Variants in SYT1 observed in about 807,000 individuals in gnomAD.
SYT1 encodes the protein synaptotagmin-1.
A neutral mutation model predicts 44.8 loss-of-function variants in SYT1; 8 were observed. The ratio of observed to expected loss-of-function variants is 0.18; its 90% CI spans 0.10 to 0.32. The LOEUF (loss-of-function observed/expected upper bound fraction) is 0.32, where lower values mean the gene tolerates loss of function less well. SYT1 is among the 10% of genes least tolerant of loss of function. SYT1 has a pLI of 1.00. For missense variants in SYT1, 286 were observed against 509.3 expected, an observed-to-expected ratio of 0.56 and a Z score of 4.22; for synonymous variants, 154 against 188.8, an observed-to-expected ratio of 0.82 and a Z score of 1.51.
intron 3 of SYT1, among the ~76,000 whole-genome samples, chr12:79,073,038 A>C (rs1876392600): frequency 6.6e-6 from 1 of 152,160 alleles, no homozygotes. Flanking sequence ...AGTTGTCAGA[A>C]TAGGTAATGA....
chr12:79,100,406 A>G (rs1255985395), intron 3 of SYT1, among the ~76,000 whole-genome samples: 1 of 152,154 alleles, frequency 6.6e-6, no homozygotes, highest in East Asian at 1.9e-4. Context: ...AGTCATAATA[A>G]TAGGAAATGC....
At chr12:78,878,124 G>A (rs1376349752) in intron 1 of SYT1, among the ~76,000 whole-genome samples, 1 of 151,682 alleles carries the variant, frequency 6.6e-6, no homozygotes, top group Non-Finnish European at 1.5e-5. Flanking sequence ...TCATGGGGTT[G>A]ATATATTGCA....
intron 3 of SYT1, among the ~76,000 whole-genome samples, chr12:79,173,845 T>G (rs1199609287): frequency 3.9e-5 from 6 of 152,052 alleles, no homozygotes; most frequent in African/African-American, 7.2e-5. Flanking sequence ...GAGGCAAGGA[T>G]AAGGCAGACA....
chr12:79,256,122 G>C (rs751030827), intron 4 of SYT1, among the ~76,000 whole-genome samples: 4 of 152,150 alleles, frequency 2.6e-5, no homozygotes, highest in Non-Finnish European at 4.4e-5. Flanking sequence ...TTTGCAGTTT[G>C]AAAGCATGGA....
Position 78,889,067 on chromosome 12 carries a change from AT to A in SYT1, c.-217+23968del, listed in dbSNP as rs900013081. ...TCAGTTCCTTCAGAGCTCCTGGTTA[AT>A]TTTTTTTTTAAGAAAAAATCAAGAC... On this transcript the variant is annotated intron_variant, in intron 1 of 10. Coordinates refer to ENST00000261205, the MANE Select transcript of SYT1 (RefSeq NM_005639.3). 1.9e-3 allele frequency among the ~76,000 whole-genome samples: 281 copies of A among 149,650 alleles called. 2 individuals carry two copies. Among genetic ancestry groups the A allele is most frequent in the African/African-American group, 6.4e-3 (261 of 40,940 alleles).
chr12:79,201,629 C>T (rs1051578822), intron 3 of SYT1, among the ~76,000 whole-genome samples: 4 of 152,132 alleles, frequency 2.6e-5, no homozygotes, highest in Non-Finnish European at 4.4e-5. Flanking sequence ...TATCTAAATA[C>T]AAACATGTTT....
intron 2 of SYT1, among the ~76,000 whole-genome samples, chr12:79,039,526 G>A (rs913808665): frequency 6.6e-6 from 1 of 151,822 alleles, no homozygotes; most frequent in African/African-American, 2.4e-5. Flanking sequence ...AAAATGCTGT[G>A]CCCATCCATA....
intron 1 of SYT1, among the ~76,000 whole-genome samples, chr12:78,921,492 T>C (rs7969701): frequency 0.16 from 24,006 of 151,868 alleles, 3,560 homozygotes; most frequent in African/African-American, 0.4. Flanking sequence ...TTAAACCAGA[T>C]TTTTTTTCTG....
At chr12:78,987,252 C>T (rs1012750665) in intron 2 of SYT1, among the ~76,000 whole-genome samples, 2 of 151,924 alleles carry the variant, frequency 1.3e-5, no homozygotes, top group South Asian at 4.1e-4. Context: ...TGAGTCTGTG[C>T]CCTCTCCAAA....
chr12:78,972,981 ATATGT>A, intron 1 of SYT1, among the ~76,000 whole-genome samples: 2 of 152,302 alleles, frequency 1.3e-5, no homozygotes, highest in Middle Eastern at 6.8e-3. Flanking sequence ...TCTCAGAGAA[ATATGT>A]TAGTTAGGAC....
rs1164136469 is a variant in SYT1, at chr12:79,043,999, G to C, written c.-83-3298G>C. On this transcript the variant is annotated intron_variant, in intron 2 of 10. Coordinates refer to ENST00000261205, the MANE Select transcript of SYT1 (RefSeq NM_005639.3). ...TAGGGTTTCTGCCGAGAGATCCGCT[G>C]TTAGTCTGATGGGCTTCCCTTTGTG... Among the ~76,000 whole-genome samples, 3 of 152,210 alleles carry C rather than the reference G, an allele frequency of 2.0e-5. No individual in the cohort carries two copies. The East Asian group carries it at 5.8e-4, about 29-fold the overall frequency.
At chr12:79,342,239 T>C (rs1259425492) in intron 8 of SYT1, among the ~76,000 whole-genome samples, 1 of 152,034 alleles carries the variant, frequency 6.6e-6, no homozygotes, top group Non-Finnish European at 1.5e-5. Flanking sequence ...TTTTTGATGT[T>C]TTGTTTTTTA....
chr12:79,053,862 A>G (rs1215129927), intron 3 of SYT1, among the ~76,000 whole-genome samples: 2 of 151,998 alleles, frequency 1.3e-5, no homozygotes, highest in East Asian at 1.9e-4. Flanking sequence ...GCTTTAGGCA[A>G]TAATGATCAT....
At chr12:79,166,712 G>A (rs1175803377) in intron 3 of SYT1, among the ~76,000 whole-genome samples, 2 of 152,000 alleles carry the variant, frequency 1.3e-5, no homozygotes, top group Non-Finnish European at 2.9e-5. Context: ...CCTGGGTCTT[G>A]TGAGGATCAA....
At chr12:79,366,030 C>T (rs1883528670) in intron 9 of SYT1, among the ~76,000 whole-genome samples, 1 of 152,138 alleles carries the variant, frequency 6.6e-6, no homozygotes, top group Non-Finnish European at 1.5e-5. Context: ...AAGGGAAGTT[C>T]CCAATTTCTA....
chr12:79,017,323 C>T (rs1196875281), intron 2 of SYT1, among the ~76,000 whole-genome samples: 1 of 152,058 alleles, frequency 6.6e-6, no homozygotes, highest in African/African-American at 2.4e-5. Context: ...AATAATTAAT[C>T]ATAGTCTTTG....
intron 8 of SYT1, among the ~76,000 whole-genome samples, chr12:79,311,947 A>G (rs1336405925): frequency 6.6e-6 from 1 of 151,026 alleles, no homozygotes; most frequent in Non-Finnish European, 1.5e-5. Flanking sequence ...GCAGCACACC[A>G]GCATGGCACA....
intron 3 of SYT1, among the ~76,000 whole-genome samples, chr12:79,073,952 T>C (rs1467938524): frequency 6.6e-6 from 1 of 152,188 alleles, no homozygotes; most frequent in Non-Finnish European, 1.5e-5. Context: ...ACCCTCACGT[T>C]GTCAATTTTG....
intron 8 of SYT1, among the ~76,000 whole-genome samples, chr12:79,328,972 A>G (rs975235627): frequency 1.3e-5 from 2 of 152,094 alleles, no homozygotes; most frequent in Non-Finnish European, 2.9e-5. Context: ...GCAGCTTAGG[A>G]TGCTGCATTT....
Sources: gnomAD v4.1 joint callset for allele counts (sites outside exome capture counted in the v4.1 genomes callset) on GRCh38, gnomAD v4.1.1 for gene constraint, MANE v1.5 for transcripts, NCBI Gene and HGNC (gene_info 2026-07-23, HGNC 2026-07-21) for gene names.